CSMD3: variants seen among roughly 807,000 people sequenced by gnomAD.
CSMD3 encodes the protein CUB and Sushi multiple domains 3.
CSMD3 carries 177 observed loss-of-function variants against 435.2 expected under a neutral mutation model. The ratio of observed to expected loss-of-function variants is 0.41; its 90% CI spans 0.36 to 0.46. The LOEUF (loss-of-function observed/expected upper bound fraction) is 0.46. CSMD3 is among the 20% of genes least tolerant of loss of function. The probability of loss-of-function intolerance (pLI) is 0.34; values close to 1 mark genes in which losing one functional copy is unlikely to be tolerated. For synonymous variants in CSMD3, 1,656 were observed against 1,520.5 expected (o/e 1.09, Z -2.07); for missense variants, 4,265 against 4,504.6 (o/e 0.95, Z 1.52).
chr8:113,086,569 T>C (rs2089788534), intron 5 of CSMD3, among the ~76,000 whole-genome samples: 1 of 152,152 alleles, frequency 6.6e-6, no homozygotes. Flanking sequence ...TAATTTATTT[T>C]GTTAAATATT....
chr8:112,527,138 TA>T (rs1305409259), intron 27 of CSMD3, among the ~76,000 whole-genome samples: 2 of 151,910 alleles, frequency 1.3e-5, no homozygotes, highest in African/African-American at 4.8e-5. Flanking sequence ...GTCTAATGGT[TA>T]AAAGACTCCA....
intron 3 of CSMD3, among the ~76,000 whole-genome samples, chr8:113,183,982 G>A (rs1023861882): frequency 6.6e-6 from 1 of 151,970 alleles, no homozygotes; most frequent in Admixed American, 6.6e-5. Flanking sequence ...AGATCTCATA[G>A]GTTGAGGGCT....
intron 1 of CSMD3, among the ~76,000 whole-genome samples, chr8:113,401,702 T>C (rs962158427): frequency 2.0e-4 from 30 of 151,708 alleles, no homozygotes; most frequent in African/African-American, 7.0e-4. Context: ...AAATACTTTG[T>C]TATACAATCA....
At chr8:113,109,183 G>A (rs535658208) in intron 4 of CSMD3, among the ~76,000 whole-genome samples, 18 of 152,296 alleles carry the variant, frequency 1.2e-4, no homozygotes, top group South Asian at 4.1e-4. Flanking sequence ...ACTGTAGAAC[G>A]GTGAGGATAA....
intron 1 of CSMD3, among the ~76,000 whole-genome samples, chr8:113,362,888 T>G (rs2094286644): frequency 6.6e-6 from 1 of 152,202 alleles, no homozygotes; most frequent in Non-Finnish European, 1.5e-5. Flanking sequence ...AGTATTTGCC[T>G]CTGGAACCCA....
At position 112,541,169 on chromosome 8, in the gene CSMD3, C is replaced by A. The variant is rs1021735659; in HGVS notation, c.4564+9502G>T. ...TGTAAGAAGTTCATAGCAATAAACA[C>A]CTACATAAAAAGGAAAAATGTCTCA... On this transcript the variant is annotated intron_variant, in intron 27 of 70. Transcript: ENST00000297405. 3.3e-5 allele frequency among the ~76,000 whole-genome samples: 5 copies of A among 151,680 alleles called. 1 individual carries two copies. The highest frequency in any genetic ancestry group is 1.2e-4 in the African/African-American group (5 of 41,348).
At chr8:112,967,471 C>A (rs1264451887) in intron 7 of CSMD3, among the ~76,000 whole-genome samples, 2 of 151,842 alleles carry the variant, frequency 1.3e-5, no homozygotes, top group Non-Finnish European at 2.9e-5. Flanking sequence ...TCAAGTTAAA[C>A]TGAAGCTTTT....
At position 112,903,797 on chromosome 8, in the gene CSMD3, C is replaced by T. The variant is rs191956944; in HGVS notation, c.1633+17830G>A. ...ACTTCTACATTTCCAAAGTAAAACA[C>T]TTGTTCACACCTCTAGATATTTTTT... On this transcript the variant is annotated intron_variant, in intron 10 of 70. Coordinates refer to ENST00000297405, the MANE Select transcript of CSMD3 (RefSeq NM_198123.2). Among the ~76,000 whole-genome samples, 9 of 151,380 alleles carry T rather than the reference C, an allele frequency of 5.9e-5. No homozygotes were observed. The East Asian group carries it at 1.8e-3, about 30-fold the overall frequency.
intron 11 of CSMD3, among the ~76,000 whole-genome samples, chr8:112,854,986 T>G (rs990848989): frequency 6.6e-6 from 1 of 152,158 alleles, no homozygotes; most frequent in African/African-American, 2.4e-5. Context: ...TAAGGCTAGT[T>G]TGAACTGTGA....
At chr8:113,283,719 C>A (rs1319388313) in intron 2 of CSMD3, among the ~76,000 whole-genome samples, 1 of 152,114 alleles carries the variant, frequency 6.6e-6, no homozygotes, top group East Asian at 1.9e-4. Flanking sequence ...TCCACCAATA[C>A]CACCACTGGG....
chr8:112,442,826 T>G (rs901014906), intron 32 of CSMD3, among the ~76,000 whole-genome samples: 1 of 152,166 alleles, frequency 6.6e-6, no homozygotes, highest in Non-Finnish European at 1.5e-5. Flanking sequence ...CAAACAGGAA[T>G]GCAGATGTGA....
chr8:113,018,987 T>G (rs772660041), intron 6 of CSMD3, 80 bp downstream of exon 6: 1 of 954,712 alleles, frequency 1.0e-6, no homozygotes, highest in Non-Finnish European at 1.7e-6. Flanking sequence ...GCTAAAGACA[T>G]TTTTCTATCA....
At chr8:112,710,311 A>T (rs138182779) in intron 13 of CSMD3, among the ~76,000 whole-genome samples, 50 of 152,266 alleles carry the variant, frequency 3.3e-4, no homozygotes, top group African/African-American at 1.2e-3. Flanking sequence ...CATGTGTCTA[A>T]TGAGGTTGTA....
At chr8:112,532,724 A>G (rs1241524206) in intron 27 of CSMD3, among the ~76,000 whole-genome samples, 1 of 152,118 alleles carries the variant, frequency 6.6e-6, no homozygotes, top group African/African-American at 2.4e-5. Flanking sequence ...AAAAAAAAGG[A>G]TGTTAATATA....
chr8:112,319,206 A>G (rs1190400870), intron 46 of CSMD3, among the ~76,000 whole-genome samples: 2 of 152,106 alleles, frequency 1.3e-5, no homozygotes, highest in East Asian at 1.9e-4. Context: ...TATAAGCAAT[A>G]GTCATAAGGA....
intron 4 of CSMD3, among the ~76,000 whole-genome samples, chr8:113,123,061 C>T (rs1351047904): frequency 2.0e-5 from 3 of 150,184 alleles, no homozygotes; most frequent in African/African-American, 4.9e-5. Context: ...AGTGAAGTCA[C>T]ATGTTAGCTT....
chr8:113,181,126 T>C (rs768879922), intron 3 of CSMD3, among the ~76,000 whole-genome samples: 1 of 152,012 alleles, frequency 6.6e-6, no homozygotes, highest in Non-Finnish European at 1.5e-5. Context: ...CAGTACTGTC[T>C]TAGCTGGGCT....
chr8:112,785,384 A>G (rs1298097997), intron 13 of CSMD3, among the ~76,000 whole-genome samples: 1 of 152,068 alleles, frequency 6.6e-6, no homozygotes, highest in Non-Finnish European at 1.5e-5. Flanking sequence ...ACTATTATTC[A>G]ACATAGTACC....
chr8:113,433,254 T>A (rs1208073782), intron 1 of CSMD3, among the ~76,000 whole-genome samples: 1 of 152,118 alleles, frequency 6.6e-6, no homozygotes, highest in African/African-American at 2.4e-5. Flanking sequence ...GCCCCCTTTG[T>A]AAAGCTCTCT....
Sources: gnomAD v4.1 joint callset for allele counts (sites outside exome capture counted in the v4.1 genomes callset) on GRCh38, gnomAD v4.1.1 for gene constraint, MANE v1.5 for transcripts, NCBI Gene and HGNC (gene_info 2026-07-23, HGNC 2026-07-21) for gene names.